Variants in THTPA observed in about 807,000 individuals in gnomAD.
The protein encoded by THTPA is thiamine-triphosphatase.
In THTPA, 16 loss-of-function variants were observed where a neutral mutation model predicts 16.5. The observed-to-expected ratio is 0.97, with a 90% CI of 0.66 to 1.47. The LOEUF is 1.47. Ranked by LOEUF, THTPA falls within the 40% of genes most tolerant of loss-of-function variation. THTPA has a pLI of 0.00. For synonymous variants in THTPA, 110 were observed against 115.5 expected, an observed-to-expected ratio of 0.95 and a Z score of 0.30; for missense variants, 281 against 280.9, an observed-to-expected ratio of 1.00 and a Z score of 0.00.
chr14:23,545,236 T>C, the THTPA span, among the ~76,000 whole-genome samples: 1 of 152,096 alleles, frequency 6.6e-6, no homozygotes, highest in Non-Finnish European at 1.5e-5. Context: ...GCCACTTCAG[T>C]TCCTCCCATA....
the THTPA span, among the ~76,000 whole-genome samples, chr14:23,542,464 A>C: frequency 6.6e-6 from 1 of 152,098 alleles, no homozygotes; most frequent in African/African-American, 2.4e-5. Flanking sequence ...TCCCTTGATG[A>C]CTTGGAAAGT....
rs1054817557 is a variant in THTPA, at chr14:23,559,796, G to C, written c.*956G>C. On this transcript the variant is annotated 3_prime_UTR_variant, in exon 2 of 2. Transcript: ENST00000288014. ...AAGTTGTTCACCTCAAAGATCTCCT[G>C]CACCGACTGGTGAAAGTGGTCGTAG... 3 of 1,614,038 alleles carry C rather than the reference G, an allele frequency of 1.9e-6. No individual in the cohort carries two copies. In the African/African-American group the frequency reaches 4.0e-5, roughly 22 times the overall value.
upstream of THTPA, among the ~76,000 whole-genome samples, chr14:23,552,601 T>C: frequency 6.7e-6 from 1 of 150,266 alleles, no homozygotes; most frequent in Non-Finnish European, 1.5e-5. Flanking sequence ...GCCCGTTTTT[T>C]TGTTTGTTTG....
the THTPA span, among the ~76,000 whole-genome samples, chr14:23,519,536 G>C: frequency 3.3e-5 from 5 of 152,242 alleles, 1 homozygote; most frequent in South Asian, 1.0e-3. Flanking sequence ...TTTCTCTCCT[G>C]TTGCCTAGAT....
chr14:23,556,665 G>T lies in THTPA; in HGVS notation c.-93G>T. 2.2e-6 allele frequency: 3 copies of T among 1,351,162 alleles called. No individual in the cohort carries two copies. Among genetic ancestry groups the T allele is most frequent in the Non-Finnish European group, 3.0e-6 (3 of 1,002,582 alleles). 83.7% of individuals were successfully genotyped at this position (1,351,162 alleles called of 1,614,324 possible). A position where few individuals can be genotyped will look rare whatever the true frequency, so the allele number is the denominator to read the frequency against. ...CCCCTCATAAGTTTTTCCAGGGAGG[G>T]GTTCTGTACTGAGTTGACGCCCCAG... On this transcript the variant is annotated 5_prime_UTR_variant, in exon 1 of 2. Transcript: ENST00000288014.
the THTPA span, chr14:23,529,266 C>A: frequency 3.6e-5 from 6 of 168,000 alleles, no homozygotes; most frequent in Admixed American, 1.2e-4. Flanking sequence ...TGCCCCTACC[C>A]TTAGTAAGAG....
At chr14:23,525,036 T>A in the THTPA span, 1 of 1,536,058 alleles carries the variant, frequency 6.5e-7, no homozygotes, top group African/African-American at 1.4e-5. The surrounding 1 kb of genome is among the most constrained non-coding windows in gnomAD (Gnocchi z 5.9). Flanking sequence ...ACCACACGGC[T>A]AGCCAGACCC....
the THTPA span, among the ~76,000 whole-genome samples, chr14:23,519,848 T>A: frequency 6.6e-6 from 1 of 152,052 alleles, no homozygotes; most frequent in African/African-American, 2.4e-5. Flanking sequence ...GCTGAATTTG[T>A]ATGAGAATAT....
At position 23,559,968 on chromosome 14, in the gene THTPA, G is replaced by C; in HGVS notation, c.*1128G>C. The stretch of plus-strand genomic sequence containing the variant: ...TAGGATTGAGGATTCTGAAGAGCTG[G>C]GTGATAGGAAGGCCACCCCGAGCTG... On this transcript the variant is annotated 3_prime_UTR_variant, in exon 2 of 2. Coordinates refer to ENST00000288014, the MANE Select transcript of THTPA (RefSeq NM_024328.6). 6.2e-7 allele frequency: 1 copy of C among 1,613,336 alleles called. No individual in the cohort carries two copies. The highest frequency in any genetic ancestry group is 1.1e-5 in the South Asian group (1 of 90,966).
the THTPA span, chr14:23,521,895 C>G: frequency 2.6e-6 from 4 of 1,521,694 alleles, no homozygotes; most frequent in Non-Finnish European, 3.5e-6. Flanking sequence ...GAGCTCCCAC[C>G]GAACACCCCT....
Position 23,556,791 on chromosome 14 carries a change from T to C in THTPA, c.34T>C (p.Phe12Leu). ...GGGCTTGATTGAGGTGGAGCGAAAG[T>C]TCCTTCCAGGGCCTGGCACAGAGGA... ...AQGLIEVERK[F>L]LPGPGTEERL... The change falls in exon 1 of 2, where the codon TTC becomes CTC. Residue 12 changes from phenylalanine (F) to leucine (L), a missense_variant. Phe to Leu is a conservative substitution (Grantham distance 22, BLOSUM62 0). Coordinates refer to ENST00000288014, the MANE Select transcript of THTPA (RefSeq NM_024328.6). The C allele has an allele frequency of 6.2e-7, 1 of 1,613,596 alleles. No individual in the cohort carries two copies. The highest frequency in any genetic ancestry group is 2.2e-5 in the East Asian group (1 of 44,870).
chr14:23,529,744 G>T, the THTPA span: 1 of 1,536,286 alleles, frequency 6.5e-7, no homozygotes, highest in Non-Finnish European at 8.7e-7. Context: ...GGAAGGGCCA[G>T]TCTTGTTTTC....
At chr14:23,530,384 A>G in the THTPA span, 4 of 699,294 alleles carry the variant, frequency 5.7e-6, no homozygotes, top group East Asian at 8.1e-5. Flanking sequence ...AAATTACAGT[A>G]TTAGAACTGG....
chr14:23,522,608 G>A, the THTPA span: 65 of 1,531,430 alleles, frequency 4.2e-5, no homozygotes, highest in Admixed American at 2.6e-4. Context: ...GACAGCTGGC[G>A]GTGCTGTTCC....
the THTPA span, chr14:23,523,106 A>T: frequency 5.0e-6 from 7 of 1,402,306 alleles, no homozygotes; most frequent in Admixed American, 9.6e-5. This position sits in a 1 kb window ranked among gnomAD's most constrained non-coding sequence, Gnocchi z 4.1. Context: ...AGGCCACAGG[A>T]GATTGGGCAT....
At chr14:23,534,237 C>T in the THTPA span, 62 of 1,520,258 alleles carry the variant, frequency 4.1e-5, no homozygotes, top group East Asian at 9.6e-4. The surrounding 1 kb of genome is among the most constrained non-coding windows in gnomAD (Gnocchi z 4.5). Context: ...CTGCTACTGG[C>T]GATTCTTTGG....
chr14:23,542,236 C>G, the THTPA span: 1 of 152,482 alleles, frequency 6.6e-6, no homozygotes, highest in African/African-American at 2.4e-5. Flanking sequence ...CTGTCTCTTG[C>G]ACTTTGCAAG....
chr14:23,517,151 C>G, the THTPA span, among the ~76,000 whole-genome samples: 1 of 152,156 alleles, frequency 6.6e-6, no homozygotes, highest in Admixed American at 6.5e-5. Context: ...GACATTTACC[C>G]CTTGTCTGTG....
At chr14:23,526,387 G>A in the THTPA span, 954 of 1,536,202 alleles carry the variant, frequency 6.2e-4, 1 homozygote, top group Non-Finnish European at 6.7e-4. Context: ...GGGCAGGGTC[G>A]AGAAACTTGT....
Sources: gnomAD v4.1 joint callset for allele counts (sites outside exome capture counted in the v4.1 genomes callset) on GRCh38, gnomAD v4.1.1 for gene constraint, Gnocchi (gnomAD v3.1) non-coding constraint, MANE v1.5 for transcripts, NCBI Gene and HGNC (gene_info 2026-07-23, HGNC 2026-07-21) for gene names.